Variants in CALN1 observed in about 807,000 individuals in gnomAD.
CALN1 encodes calneuron 1, also known as calcium-binding protein 8.
CALN1 carries 17 observed loss-of-function variants against 30.6 expected under a neutral mutation model. That is an observed-to-expected ratio of 0.56 (90% confidence interval 0.38 to 0.83). CALN1 has a LOEUF of 0.83. CALN1 is among the 40% of genes least tolerant of loss of function. The pLI is 0.00. For missense variants in CALN1, 291 were observed against 354.9 expected, an observed-to-expected ratio of 0.82 and a Z score of 1.45; for synonymous variants, 156 against 131.4, an observed-to-expected ratio of 1.19 and a Z score of -1.28.
At chr7:72,122,153 G>A (rs908707152) in intron 3 of CALN1, among the ~76,000 whole-genome samples, 4 of 151,970 alleles carry the variant, frequency 2.6e-5, no homozygotes, top group African/African-American at 9.7e-5. Context: ...CCTCCAAGTG[G>A]CAAACTGAGT....
At chr7:72,379,124 G>A (rs1258070686) in intron 2 of CALN1, among the ~76,000 whole-genome samples, 1 of 152,038 alleles carries the variant, frequency 6.6e-6, no homozygotes, top group Non-Finnish European at 1.5e-5. Flanking sequence ...TTGTGGCTGT[G>A]TTCATAAGTT....
At chr7:72,194,496 C>T (rs1393758975) in intron 3 of CALN1, among the ~76,000 whole-genome samples, 1 of 151,952 alleles carries the variant, frequency 6.6e-6, no homozygotes, top group African/African-American at 2.4e-5. Flanking sequence ...CACCACTGCA[C>T]TTCAGCCTGG....
intron 2 of CALN1, among the ~76,000 whole-genome samples, chr7:72,365,957 C>A (rs1397679625): frequency 6.6e-6 from 1 of 151,992 alleles, no homozygotes; most frequent in African/African-American, 2.4e-5. Context: ...CATGGGCATA[C>A]CCTTGGATTC....
intron 2 of CALN1, among the ~76,000 whole-genome samples, chr7:72,390,382 G>A (rs1174960163): frequency 1.3e-5 from 2 of 151,986 alleles, no homozygotes; most frequent in South Asian, 2.1e-4. Flanking sequence ...AGTGAGCCGA[G>A]ATCACGCCAC....
chr7:72,240,717 G>C (rs1170098719), intron 3 of CALN1, among the ~76,000 whole-genome samples: 1 of 152,156 alleles, frequency 6.6e-6, no homozygotes, highest in African/African-American at 2.4e-5. Context: ...CCTATAGTCA[G>C]CTGGCAAAGA....
At chr7:72,180,556 A>T (rs1046661671) in intron 3 of CALN1, among the ~76,000 whole-genome samples, 58 of 80,398 alleles carry the variant, frequency 7.2e-4, no homozygotes, top group South Asian at 1.1e-3. Context: ...AACTTGGGCT[A>T]TTTGGTTACT....
chr7:72,487,314 G>A, the CALN1 span, among the ~76,000 whole-genome samples: 4 of 152,156 alleles, frequency 2.6e-5, no homozygotes, highest in Admixed American at 6.6e-5. Flanking sequence ...AGTTTAACAC[G>A]TGTGAAAAAG....
chr7:71,920,870 A>T (rs1488489245), intron 5 of CALN1, among the ~76,000 whole-genome samples: 1 of 152,180 alleles, frequency 6.6e-6, no homozygotes, highest in Non-Finnish European at 1.5e-5. Context: ...TACCCAAAAG[A>T]TTATAAATCA....
At chr7:72,215,703 G>A (rs113627769) in intron 3 of CALN1, among the ~76,000 whole-genome samples, 2,461 of 152,024 alleles carry the variant, frequency 0.016, 59 homozygotes, top group African/African-American at 0.057. Flanking sequence ...AGCTCCACAC[G>A]GAGCTACTGC....
At chr7:72,284,287 C>A (rs1429407832) in intron 2 of CALN1, among the ~76,000 whole-genome samples, 2 of 152,132 alleles carry the variant, frequency 1.3e-5, no homozygotes, top group East Asian at 3.9e-4. Context: ...AGAGGGAGAC[C>A]TTGTCTCTAA....
At chr7:72,317,012 G>T (rs1476166308) in intron 2 of CALN1, among the ~76,000 whole-genome samples, 2 of 145,560 alleles carry the variant, frequency 1.4e-5, no homozygotes, top group African/African-American at 5.1e-5. Context: ...AGGAAAGGAA[G>T]AAGGAAGGAA....
chr7:72,156,286 G>A (rs1400882413), intron 3 of CALN1, among the ~76,000 whole-genome samples: 1 of 152,170 alleles, frequency 6.6e-6, no homozygotes, highest in African/African-American at 2.4e-5. Flanking sequence ...CCAAGCAATA[G>A]AAGGATTATA....
At chr7:72,462,752 T>C in the CALN1 span, among the ~76,000 whole-genome samples, 1 of 152,190 alleles carries the variant, frequency 6.6e-6, no homozygotes, top group Non-Finnish European at 1.5e-5. Flanking sequence ...GAACAGTGTC[T>C]GTGGAAGAGG....
At chr7:71,967,686 A>C (rs1285731058) in intron 5 of CALN1, among the ~76,000 whole-genome samples, 1 of 151,772 alleles carries the variant, frequency 6.6e-6, no homozygotes, top group Admixed American at 6.6e-5. Context: ...CCCAGAATAA[A>C]GAATATAAAG....
At chr7:72,230,608 G>A (rs1010748948) in intron 3 of CALN1, among the ~76,000 whole-genome samples, 3 of 151,928 alleles carry the variant, frequency 2.0e-5, no homozygotes, top group African/African-American at 7.3e-5. Context: ...GGAGATATGA[G>A]CTAAGGAATG....
intron 5 of CALN1, chr7:71,942,210 CA>C (rs1796169973): frequency 1.1e-5 from 2 of 174,006 alleles, no homozygotes; most frequent in South Asian, 1.0e-4. Context: ...AAACGAAAAA[CA>C]AAAAACAGAA....
chr7:72,141,309 A>AC (rs1809919449), intron 3 of CALN1, among the ~76,000 whole-genome samples: 1 of 151,958 alleles, frequency 6.6e-6, no homozygotes, highest in Non-Finnish European at 1.5e-5. Context: ...GAAAAGAAAA[A>AC]GAAAAAAAGG....
intron 5 of CALN1, among the ~76,000 whole-genome samples, chr7:71,910,770 G>A (rs568278671): frequency 6.6e-6 from 1 of 152,110 alleles, no homozygotes; most frequent in Non-Finnish European, 1.5e-5. Context: ...CTTGTTTCCT[G>A]CACCGTTTTT....
chr7:72,299,476 G>A (rs888886921), intron 2 of CALN1, among the ~76,000 whole-genome samples: 3 of 9,798 alleles, frequency 3.1e-4, no homozygotes, highest in Non-Finnish European at 5.6e-4. Flanking sequence ...AAATTACAAA[G>A]GAAAAGATGA....
Sources: gnomAD v4.1 joint callset for allele counts (sites outside exome capture counted in the v4.1 genomes callset) on GRCh38, gnomAD v4.1.1 for gene constraint, MANE v1.5 for transcripts, NCBI Gene and HGNC (gene_info 2026-07-23, HGNC 2026-07-21) for gene names.